Variants in LARP4B observed in about 807,000 individuals in gnomAD.
LARP4B encodes la-related protein 4B.
LARP4B carries 12 observed loss-of-function variants against 89.8 expected under a neutral mutation model. That is an observed-to-expected ratio of 0.13 (90% CI 0.09 to 0.22). The LOEUF (loss-of-function observed/expected upper bound fraction) is 0.22, where lower values mean the gene tolerates loss of function less well. LARP4B is among the 10% of genes least tolerant of loss of function. The pLI, the probability that LARP4B is intolerant of heterozygous loss-of-function variation, is 1.00. For synonymous variants in LARP4B, 367 were observed against 363.3 expected (o/e 1.01, Z -0.12); for missense variants, 757 against 947.7 (o/e 0.80, Z 2.64).
At chr10:960,634 G>T in the LARP4B span, among the ~76,000 whole-genome samples, 1 of 146,434 alleles carries the variant, frequency 6.8e-6, no homozygotes, top group Non-Finnish European at 1.5e-5. Flanking sequence ...CTTGAACCTG[G>T]GAGGTGGAGG....
intron 3 of LARP4B, among the ~76,000 whole-genome samples, chr10:865,582 A>G (rs1834859981): frequency 2.0e-5 from 3 of 152,012 alleles, no homozygotes; most frequent in Admixed American, 2.0e-4. Flanking sequence ...CTGCCCAGAG[A>G]CTGGGGACTG....
the LARP4B span, among the ~76,000 whole-genome samples, chr10:937,923 C>T: frequency 1.3e-5 from 2 of 152,066 alleles, no homozygotes; most frequent in Non-Finnish European, 1.5e-5. Context: ...CTTGCTCTGT[C>T]TCCCAGGCTG....
chr10:963,197 A>G, the LARP4B span, among the ~76,000 whole-genome samples: 1 of 152,136 alleles, frequency 6.6e-6, no homozygotes, highest in Non-Finnish European at 1.5e-5. Flanking sequence ...GTGACCTGCT[A>G]TTTTTAACCA....
At chr10:907,096 C>G (rs1200504476) in intron 1 of LARP4B, among the ~76,000 whole-genome samples, 1 of 152,236 alleles carries the variant, frequency 6.6e-6, no homozygotes, top group Non-Finnish European at 1.5e-5. Context: ...TCCTGCAAAC[C>G]TTTACACCCA....
At chr10:966,056 T>TTGTGTGTG in the LARP4B span, among the ~76,000 whole-genome samples, 3,105 of 128,268 alleles carry the variant, frequency 0.024, 41 homozygotes, top group Non-Finnish European at 0.03. Flanking sequence ...TGTGTGGGTT[T>TTGTGTGTG]TGTGTGTGTG....
Position 931,542 on chromosome 10 carries a change from G to A in LARP4B, c.-154C>T, listed in dbSNP as rs1418936525. The A allele has an allele frequency of 2.0e-5, 3 of 150,804 alleles. No homozygotes were observed. The highest frequency in any genetic ancestry group is 4.9e-5 in the African/African-American group (2 of 41,098). The allele number at this position is 150,804 out of a possible 1,614,324, so 9.3% of individuals were successfully genotyped here. ...GCGAGGAGAGAGACGGCAGGGAGAG[G>A]CGGCGCGGCCGGGCCGGGCCGGGCC... On this transcript the variant is annotated 5_prime_UTR_variant, in exon 1 of 18. Transcript: ENST00000316157.
At chr10:905,860 A>G (rs1262116951) in intron 1 of LARP4B, among the ~76,000 whole-genome samples, 2 of 151,962 alleles carry the variant, frequency 1.3e-5, no homozygotes, top group Non-Finnish European at 2.9e-5. Flanking sequence ...GACAGGGAGG[A>G]CCTCTCACAG....
chr10:979,720 C>T, the LARP4B span, among the ~76,000 whole-genome samples: 11 of 152,076 alleles, frequency 7.2e-5, no homozygotes, highest in African/African-American at 2.4e-4. Context: ...GCCTGTAATC[C>T]CAGCACTTTG....
chr10:959,376 A>AATCCCACCTCCTCG, the LARP4B span, among the ~76,000 whole-genome samples: 1 of 93,778 alleles, frequency 1.1e-5, no homozygotes, highest in African/African-American at 5.0e-5. Flanking sequence ...CCACCTCCTC[A>AATCCCACCTCCTCG]TCAATCCCAC....
chr10:853,218 T>C (rs2131788925), intron 5 of LARP4B, among the ~76,000 whole-genome samples: 1 of 152,350 alleles, frequency 6.6e-6, no homozygotes, highest in African/African-American at 2.4e-5. Context: ...AGAGATATCA[T>C]GGGTTCAGTT....
chr10:936,447 CAGT>C (rs1830748635), upstream of LARP4B, among the ~76,000 whole-genome samples: 1 of 152,078 alleles, frequency 6.6e-6, no homozygotes, highest in Non-Finnish European at 1.5e-5. Flanking sequence ...AGGCCAGACA[CAGT>C]AGCTCAAACC....
Position 811,721 on chromosome 10 carries a change from G to A in LARP4B, c.*1205C>T, listed in dbSNP as rs1481235692. 6.6e-6 allele frequency: 1 copy of A among 152,554 alleles called. No homozygotes were observed. The highest frequency in any genetic ancestry group is 1.5e-5 in the Non-Finnish European group (1 of 68,020). The allele number at this position is 152,554 out of a possible 1,614,324, so 9.5% of individuals were successfully genotyped here. On this transcript the variant is annotated 3_prime_UTR_variant, in exon 18 of 18. Transcript: ENST00000316157. ...TAAATAACATTTTGTGGAATAAAGT[G>A]TATGGTTACATTTAGCAGGAAATAT...
At chr10:875,056 T>C (rs925184623) in intron 3 of LARP4B, among the ~76,000 whole-genome samples, 2 of 152,130 alleles carry the variant, frequency 1.3e-5, no homozygotes, top group Admixed American at 6.5e-5. Flanking sequence ...ACTCAGACCA[T>C]ACATTGACCA....
chr10:838,025 C>T (rs1833319824), intron 7 of LARP4B, among the ~76,000 whole-genome samples: 2 of 152,096 alleles, frequency 1.3e-5, no homozygotes, highest in Admixed American at 6.5e-5. Context: ...ACATCATTGA[C>T]AATGTGACCG....
chr10:970,565 A>G, the LARP4B span, among the ~76,000 whole-genome samples: 2 of 152,176 alleles, frequency 1.3e-5, no homozygotes, highest in Non-Finnish European at 2.9e-5. Context: ...CTTCTGTGCC[A>G]TAACACTCTG....
chr10:978,231 G>C, the LARP4B span, among the ~76,000 whole-genome samples: 1 of 151,998 alleles, frequency 6.6e-6, no homozygotes, highest in Admixed American at 6.6e-5. Flanking sequence ...TTATTTTGCT[G>C]TTCTTAAATT....
At chr10:875,353 C>CA (rs1835415160) in intron 3 of LARP4B, among the ~76,000 whole-genome samples, 1 of 152,182 alleles carries the variant, frequency 6.6e-6, no homozygotes, top group Non-Finnish European at 1.5e-5. Flanking sequence ...AATAGAATCT[C>CA]AGAGTCCCAC....
At chr10:858,063 C>T (rs928437175) in intron 5 of LARP4B, among the ~76,000 whole-genome samples, 3 of 152,112 alleles carry the variant, frequency 2.0e-5, no homozygotes, top group African/African-American at 7.2e-5. Context: ...AAAAATCTGA[C>T]CTGAAACAAA....
chr10:980,546 C>A, the LARP4B span, among the ~76,000 whole-genome samples: 1 of 152,248 alleles, frequency 6.6e-6, no homozygotes, highest in Admixed American at 6.5e-5. Context: ...GCATGCTTAA[C>A]ACCATGCAGG....
Sources: allele counts gnomAD v4.1 joint callset (sites outside exome capture counted in the v4.1 genomes callset), GRCh38; gene constraint gnomAD v4.1.1; transcripts MANE v1.5; gene names NCBI Gene and HGNC (gene_info 2026-07-23, HGNC 2026-07-21).